CSMD1: variants seen among roughly 807,000 people sequenced by gnomAD.
The protein encoded by CSMD1 is CUB and sushi domain-containing protein 1.
CSMD1 carries 213 observed loss-of-function variants against 417.5 expected under a neutral mutation model. The observed-to-expected ratio is 0.51, with a 90% confidence interval of 0.46 to 0.57. CSMD1 has a LOEUF of 0.57. Among genes scored for constraint, CSMD1 ranks in the 20% least tolerant of loss-of-function variants. CSMD1 has a pLI of 0.00. For missense variants in CSMD1, 6,923 were observed against 4,529.7 expected (o/e 1.53, Z -15.17); for synonymous variants, 2,862 against 1,736.8 (o/e 1.65, Z -16.11).
At position 3,110,864 on chromosome 8, in the gene CSMD1, G is replaced by A. The variant is rs186391285; in HGVS notation, c.6431-529C>T. Among the ~76,000 whole-genome samples the A allele has an allele frequency of 5.9e-5, 9 of 152,222 alleles. No homozygotes were observed. The East Asian group carries it at 7.7e-4, about 13-fold the overall frequency. ...TAAGATTATGTAAGTGGTGTTTTGC[G>A]GAAGCATTTCCAGTTTTTACTAGTG... On this transcript the variant is annotated intron_variant, in intron 42 of 69. Transcript: ENST00000635120.
rs569103519 is a variant in CSMD1, at chr8:3,152,341, T to G, written c.5915-828A>C. Among the ~76,000 whole-genome samples, 6 of 152,368 alleles carry G rather than the reference T, an allele frequency of 3.9e-5. No homozygotes were observed. In the East Asian group the frequency reaches 1.2e-3, roughly 29 times the overall value. On this transcript the variant is annotated intron_variant, in intron 39 of 69. Coordinates refer to ENST00000635120, the MANE Select transcript of CSMD1 (RefSeq NM_033225.6). ...CAATCTTTGATCATTTGTAGCCTAT[T>G]AAAATAATTTCTTATATTCCAAAAT... is the stretch of plus-strand genomic sequence containing the variant.
intron 5 of CSMD1, among the ~76,000 whole-genome samples, chr8:3,947,814 G>T (rs1372529765): frequency 6.6e-6 from 1 of 152,160 alleles, no homozygotes; most frequent in Non-Finnish European, 1.5e-5. Flanking sequence ...TGTTTCATAT[G>T]GTTCAAGTAG....
chr8:4,958,841 C>T (rs6982358), intron 1 of CSMD1, among the ~76,000 whole-genome samples: 57,673 of 151,996 alleles, frequency 0.38, 11,498 homozygotes, highest in Non-Finnish European at 0.42. Flanking sequence ...CTAAAAAATG[C>T]ATGTCCTTTA....
chr8:4,279,850 C>A (rs1374033763), intron 3 of CSMD1, among the ~76,000 whole-genome samples: 2 of 150,660 alleles, frequency 1.3e-5, no homozygotes, highest in Admixed American at 6.6e-5. Context: ...CAGCAGCTCA[C>A]TGTCAGTAAA....
intron 5 of CSMD1, among the ~76,000 whole-genome samples, chr8:3,819,533 T>TACACACACAC (rs10566509): frequency 1.2e-5 from 1 of 82,346 alleles, no homozygotes; most frequent in African/African-American, 5.2e-5. Flanking sequence ...AGGTGATTTC[T>TACACACACAC]ACACACACAC....
chr8:3,484,903 A>G (rs1307757815), intron 11 of CSMD1, among the ~76,000 whole-genome samples: 3 of 152,184 alleles, frequency 2.0e-5, no homozygotes. Flanking sequence ...TGGAGCAGAA[A>G]AAGTGGTGAT....
chr8:4,931,752 G>A (rs1243560414), intron 1 of CSMD1, among the ~76,000 whole-genome samples: 2 of 152,180 alleles, frequency 1.3e-5, no homozygotes, highest in African/African-American at 2.4e-5. Context: ...TAAGCAATTT[G>A]GAGAGAATGG....
intron 3 of CSMD1, among the ~76,000 whole-genome samples, chr8:4,312,084 A>T (rs1346284166): frequency 6.6e-6 from 1 of 152,110 alleles, no homozygotes; most frequent in Non-Finnish European, 1.5e-5. Context: ...AATGTGTGTC[A>T]ATTTCCAGGA....
At chr8:4,409,642 C>CTTTTTTT (rs61368925) in intron 3 of CSMD1, among the ~76,000 whole-genome samples, 6 of 141,848 alleles carry the variant, frequency 4.2e-5, no homozygotes, top group East Asian at 2.1e-4. Flanking sequence ...GACTTTTTTT[C>CTTTTTTT]TTTTTTTTTT....
intron 2 of CSMD1, among the ~76,000 whole-genome samples, chr8:4,543,938 G>C (rs781685009): frequency 2.9e-4 from 44 of 152,148 alleles, no homozygotes; most frequent in Non-Finnish European, 5.3e-4. Flanking sequence ...CATCTTTGGT[G>C]AGGTGTCTGT....
At position 3,024,771 on chromosome 8, in the gene CSMD1, C is replaced by T. The variant is rs6996018; in HGVS notation, c.7855+4548G>A. 2.6e-5 allele frequency among the ~76,000 whole-genome samples: 4 copies of T among 152,120 alleles called. No homozygotes were observed. In the East Asian group the frequency reaches 7.7e-4, roughly 29 times the overall value. ...CCATGTTGAGGAACTCAATATTTGT[C>T]CCAAGTAAATAAAATCAAGAATATT... On this transcript the variant is annotated intron_variant, in intron 51 of 69. Coordinates refer to ENST00000635120, the MANE Select transcript of CSMD1 (RefSeq NM_033225.6).
rs34055589 is a variant in CSMD1, at chr8:3,463,582, A to T, written c.1561+5130T>A. On this transcript the variant is annotated intron_variant, in intron 12 of 69. Transcript: ENST00000635120. ...GCGTATTGGCTTCATGCTCACAAGG[A>T]CAGGGGCATGAGCTCACTTTCTACA... is the stretch of plus-strand genomic sequence containing the variant. 9.8e-3 allele frequency among the ~76,000 whole-genome samples: 1,498 copies of T among 152,292 alleles called. 15 individuals carry two copies. The highest frequency in any genetic ancestry group is 0.014 in the Non-Finnish European group (932 of 68,030).
chr8:3,543,415 G>C (rs1209123150), intron 10 of CSMD1, among the ~76,000 whole-genome samples: 1 of 152,186 alleles, frequency 6.6e-6, no homozygotes, highest in Non-Finnish European at 1.5e-5. Context: ...AGAATGAACA[G>C]GGGCAAGTGC....
Position 3,359,340 on chromosome 8 carries a change from T to G in CSMD1, c.3116A>C (p.Glu1039Ala). Residue 1039 changes from glutamate to alanine, a missense_variant and splice_region_variant, in exon 21 of 70, where the codon GAA (glutamate) becomes GCA (alanine). Coordinates refer to ENST00000635120, the MANE Select transcript of CSMD1 (RefSeq NM_033225.6). ...SYEGFNITFS[E>A]YDLEPCDDPG... The stretch of plus-strand genomic sequence containing the variant: ...ATCATCACATGGCTCCAGGTCATAT[T>G]CTGAGGCATGCAGAGACAGAGTAAA... The G allele has an allele frequency of 6.2e-7, 1 of 1,613,006 alleles. No homozygotes were observed. Among genetic ancestry groups the G allele is most frequent in the Non-Finnish European group, 8.5e-7 (1 of 1,179,348 alleles).
intron 5 of CSMD1, among the ~76,000 whole-genome samples, chr8:3,910,872 T>G (rs1024846734): frequency 6.6e-6 from 1 of 152,190 alleles, no homozygotes; most frequent in African/African-American, 2.4e-5. Flanking sequence ...GCAATGAATT[T>G]CAAGAGAACT....
chr8:3,152,503 T>G (rs1437772962), intron 39 of CSMD1, among the ~76,000 whole-genome samples: 1 of 152,214 alleles, frequency 6.6e-6, no homozygotes, highest in Non-Finnish European at 1.5e-5. Context: ...GGACCTGTGG[T>G]GAAGCCTTTT....
chr8:3,656,846 C>A (rs1048792863), intron 7 of CSMD1, among the ~76,000 whole-genome samples: 3 of 151,966 alleles, frequency 2.0e-5, no homozygotes, highest in Admixed American at 6.6e-5. Context: ...AATAGCTTGT[C>A]CCTGGGTGGC....
Position 3,526,319 on chromosome 8 carries a change from T to A in CSMD1, c.1345-32593A>T, listed in dbSNP as rs181106513. ...GATATAGGCAATGTTTAAAATATATTTTTTTTTTGTGGAAATTGGACACTC... is the reference window on the plus strand; with the variant it reads ...GATATAGGCAATGTTTAAAATATATATTTTTTTTGTGGAAATTGGACACTC... On this transcript the variant is annotated intron_variant, in intron 10 of 69. Transcript: ENST00000635120. Among the ~76,000 whole-genome samples the A allele has an allele frequency of 5.0e-3, 551 of 110,832 alleles. 1 individual carries two copies. The highest frequency in any genetic ancestry group is 0.012 in the African/African-American group (363 of 30,326). 72.7% of individuals were successfully genotyped at this position (110,832 alleles called of 152,430 possible).
At position 3,182,749 on chromosome 8, in the gene CSMD1, C is replaced by CTGTGTG. The variant is rs138421791; in HGVS notation, c.5621-1541_5621-1536dup. On this transcript the variant is annotated intron_variant, in intron 36 of 69. Coordinates refer to ENST00000635120, the MANE Select transcript of CSMD1 (RefSeq NM_033225.6). ...TCTGGCTGTCTCTTTATAAGAAGCT[C>CTGTGTG]TGTGTGTGTGTGTGTGTGTATTGTT... is the stretch of plus-strand genomic sequence containing the variant. 6.9e-3 allele frequency among the ~76,000 whole-genome samples: 730 copies of CTGTGTG among 105,742 alleles called. 9 individuals are homozygous for CTGTGTG. Among genetic ancestry groups the CTGTGTG allele is most frequent in the Non-Finnish European group, 9.5e-3 (494 of 52,074 alleles). 69.4% of individuals were successfully genotyped at this position (105,742 alleles called of 152,430 possible). A position where few individuals can be genotyped will look rare whatever the true frequency, so the allele number is the denominator to read the frequency against.
Sources: allele counts gnomAD v4.1 joint callset (sites outside exome capture counted in the v4.1 genomes callset), GRCh38; gene constraint gnomAD v4.1.1; transcripts MANE v1.5; gene names NCBI Gene and HGNC (gene_info 2026-07-23, HGNC 2026-07-21).